The following XIAP variants were observed in gnomAD, a reference collection of about 807,000 sequenced individuals.
XIAP encodes the protein X-linked inhibitor of apoptosis.
A neutral mutation model predicts 33.1 loss-of-function variants in XIAP; 3 were observed. That is an observed-to-expected ratio of 0.09 (90% CI 0.04 to 0.23). XIAP has a LOEUF of 0.23. Among genes scored for constraint, XIAP ranks in the 10% least tolerant of loss-of-function variants. XIAP has a pLI of 1.00. For synonymous variants in XIAP, 98 were observed against 121.3 expected (o/e 0.81, Z 1.26); for missense variants, 264 against 363.0 (o/e 0.73, Z 2.22).
chrX:123,891,189 T>A, intron 3 of XIAP, 49 bp from the exon 4 acceptor site: 5 of 638,864 alleles, frequency 7.8e-6, no homozygotes, highest in Non-Finnish European at 1.3e-5. Context: ...TCTTTGCTTA[T>A]ACTTCACTAA....
At position 123,913,045 on chromosome X, in the gene XIAP, TGCTGGGATTACA is replaced by T. The variant is rs1248163578; in HGVS notation, c.*5866_*5877del. ...ATCTGCCTGCCTCGGCCTCACAAAGTGCTGGGATTACAGGTGTGAACCACTGCTCCCGGCCTT... is the reference window on the plus strand; with the variant it reads ...ATCTGCCTGCCTCGGCCTCACAAAGTGGTGTGAACCACTGCTCCCGGCCTT... On this transcript the variant is annotated 3_prime_UTR_variant, in exon 7 of 7. Transcript: ENST00000371199. The T allele has an allele frequency of 1.6e-4, 51 of 316,020 alleles. No individual in the cohort carries two copies. Among genetic ancestry groups the T allele is most frequent in the African/African-American group, 1.3e-3 (47 of 36,781 alleles). The allele number at this position is 316,020 out of a possible 1,213,427, so 26.0% of individuals were successfully genotyped here.
intron 6 of XIAP, among the ~76,000 whole-genome samples, chrX:123,905,800 TAC>T (rs1283986256): frequency 2.7e-5 from 3 of 112,433 alleles, no homozygotes; most frequent in African/African-American, 9.7e-5. Flanking sequence ...AAATGCCTTG[TAC>T]ATTTCTAAGA....
intron 1 of XIAP, among the ~76,000 whole-genome samples, chrX:123,871,279 G>A (rs868063690): frequency 9.5e-6 from 1 of 105,539 alleles, no homozygotes; most frequent in Non-Finnish European, 1.9e-5. Context: ...ATCTCTTAAA[G>A]AAAAAAAAAA....
At chrX:123,865,305 G>C (rs1418610693) in intron 1 of XIAP, among the ~76,000 whole-genome samples, 2 of 111,451 alleles carry the variant, frequency 1.8e-5, no homozygotes, top group Non-Finnish European at 3.8e-5. Context: ...CCTACGTTGG[G>C]TACCACAGTA....
At chrX:123,860,639 G>A (rs2053070831) in intron 1 of XIAP, 1 of 187,661 alleles carries the variant, frequency 5.3e-6, no homozygotes, top group Admixed American at 7.1e-5. Flanking sequence ...AGGGTGGAGT[G>A]TGTCTGGAGA....
chrX:123,868,855 T>G (rs889863597), intron 1 of XIAP, among the ~76,000 whole-genome samples: 10 of 112,580 alleles, frequency 8.9e-5, no homozygotes, highest in African/African-American at 3.2e-4. Flanking sequence ...TTTGCAGGAC[T>G]TGGCATGGGC....
chrX:123,869,277 G>A (rs1041104732), intron 1 of XIAP, among the ~76,000 whole-genome samples: 5 of 104,590 alleles, frequency 4.8e-5, no homozygotes, highest in African/African-American at 1.8e-4. Flanking sequence ...CACTTTGGGT[G>A]GCCGAGGCAG....
Position 123,899,155 on chromosome X carries a change from A to ATATATGATTT in XIAP, c.1100-1333_1100-1332insGATTTTATAT, listed in dbSNP as rs2053490432. Among the ~76,000 whole-genome samples the ATATATGATTT allele has an allele frequency of 6.6e-5, 2 of 30,501 alleles. 1 individual carries two copies. The highest frequency in any genetic ancestry group is 3.3e-3 in the South Asian group (2 of 601). 26.5% of individuals were successfully genotyped at this position (30,501 alleles called of 115,157 possible). A position where few individuals can be genotyped will look rare whatever the true frequency, so the allele number is the denominator to read the frequency against. ...AAAAAAAAAAAAAAAATATATATAT[A>ATATATGATTT]TATATATATATGATTTTATATATAT... On this transcript the variant is annotated intron_variant, in intron 5 of 6. Transcript: ENST00000371199.
intron 1 of XIAP, among the ~76,000 whole-genome samples, chrX:123,862,112 C>T (rs771079025): frequency 8.2e-5 from 9 of 109,380 alleles, no homozygotes; most frequent in African/African-American, 2.7e-4. Flanking sequence ...GAGTCTTACT[C>T]TGTCATCCAG....
intron 5 of XIAP, among the ~76,000 whole-genome samples, chrX:123,895,486 C>T: frequency 9.7e-6 from 1 of 103,381 alleles, no homozygotes; most frequent in Non-Finnish European, 2.0e-5. Context: ...ATTGCTGGGT[C>T]ATGTGGTTAT....
At chrX:123,898,056 C>T (rs1031766665) in intron 5 of XIAP, among the ~76,000 whole-genome samples, 10 of 112,247 alleles carry the variant, frequency 8.9e-5, no homozygotes, top group Admixed American at 2.8e-4. Flanking sequence ...ACCACTCAGA[C>T]TGAATCTAAT....
At chrX:123,898,681 A>G (rs2053482491) in intron 5 of XIAP, among the ~76,000 whole-genome samples, 1 of 108,641 alleles carries the variant, frequency 9.2e-6, no homozygotes, top group Non-Finnish European at 1.9e-5. Context: ...TTTTTAATAT[A>G]GATAGGGTCA....
chrX:123,882,267 C>T (rs1180561983), intron 1 of XIAP, among the ~76,000 whole-genome samples: 2 of 111,513 alleles, frequency 1.8e-5, no homozygotes, highest in Non-Finnish European at 3.8e-5. Context: ...GTGCTACCAT[C>T]GATTGTTATA....
chrX:123,861,241 C>T (rs1484888614), intron 1 of XIAP, among the ~76,000 whole-genome samples: 1 of 111,650 alleles, frequency 9.0e-6, no homozygotes, highest in African/African-American at 3.3e-5. Flanking sequence ...GATTAGAACC[C>T]ATGTTATCTG....
At chrX:123,905,469 C>G (rs1433750272) in intron 6 of XIAP, among the ~76,000 whole-genome samples, 1 of 111,722 alleles carries the variant, frequency 9.0e-6, no homozygotes, top group African/African-American at 3.3e-5. Context: ...GGTATAATTT[C>G]CTCCAGGAGG....
At chrX:123,878,641 T>G (rs999088427) in intron 1 of XIAP, 1 of 113,326 alleles carries the variant, frequency 8.8e-6, no homozygotes, top group African/African-American at 3.2e-5. Flanking sequence ...CTGGAGCATA[T>G]GTTTCAAATT....
chrX:123,867,043 C>A (rs1312217638), intron 1 of XIAP, among the ~76,000 whole-genome samples: 1 of 73,359 alleles, frequency 1.4e-5, no homozygotes, highest in East Asian at 4.4e-4. Context: ...TTAATCCCCC[C>A]CCCCCCTTCA....
At position 123,910,888 on chromosome X, in the gene XIAP, T is replaced by C. The variant is rs766102484; in HGVS notation, c.*3707T>C. 7.1e-6 allele frequency: 2 copies of C among 283,045 alleles called. No homozygotes were observed. The highest frequency in any genetic ancestry group is 1.3e-5 in the Non-Finnish European group (2 of 153,391). 23.3% of individuals were successfully genotyped at this position (283,045 alleles called of 1,213,427 possible). A position where few individuals can be genotyped will look rare whatever the true frequency, so the allele number is the denominator to read the frequency against. ...GTCTCAAAAAAAAAAAAAAAAGAAATAAGAAAATGGGAAGCAATATTTGAC... is the reference window on the plus strand; with the variant it reads ...GTCTCAAAAAAAAAAAAAAAAGAAACAAGAAAATGGGAAGCAATATTTGAC... On this transcript the variant is annotated 3_prime_UTR_variant, in exon 7 of 7. Coordinates refer to ENST00000371199, the MANE Select transcript of XIAP (RefSeq NM_001167.4).
At chrX:123,870,048 C>T (rs1211316469) in intron 1 of XIAP, among the ~76,000 whole-genome samples, 2 of 112,527 alleles carry the variant, frequency 1.8e-5, no homozygotes, top group Non-Finnish European at 3.7e-5. Context: ...CAACCTCTGC[C>T]GCCCAGGTTC....
Sources: allele counts gnomAD v4.1 joint callset (sites outside exome capture counted in the v4.1 genomes callset), GRCh38; gene constraint gnomAD v4.1.1; transcripts MANE v1.5; gene names NCBI Gene and HGNC (gene_info 2026-07-23, HGNC 2026-07-21).